The following ATF1 variants were observed in gnomAD, a reference collection of about 807,000 sequenced individuals.
The protein encoded by ATF1 is cyclic AMP-dependent transcription factor ATF-1.
A neutral mutation model predicts 34.7 loss-of-function variants in ATF1; 16 were observed. The observed-to-expected ratio is 0.46, with a 90% CI of 0.31 to 0.70. The LOEUF is 0.70. Among genes scored for constraint, ATF1 ranks in the 30% least tolerant of loss-of-function variants. The pLI, the probability that ATF1 is intolerant of heterozygous loss-of-function variation, is 0.05. For missense variants in ATF1, 255 were observed against 321.6 expected, an observed-to-expected ratio of 0.79 and a Z score of 1.58; for synonymous variants, 105 against 113.1, an observed-to-expected ratio of 0.93 and a Z score of 0.46.
chr12:50,787,528 T>C (rs1323859400), intron 2 of ATF1, among the ~76,000 whole-genome samples: 1 of 151,342 alleles, frequency 6.6e-6, no homozygotes, highest in African/African-American at 2.4e-5. Context: ...AGCTCAAGAG[T>C]TCAAGACCAG....
intron 2 of ATF1, among the ~76,000 whole-genome samples, chr12:50,784,277 T>G (rs1941136182): frequency 6.6e-6 from 1 of 152,226 alleles, no homozygotes; most frequent in Non-Finnish European, 1.5e-5. Flanking sequence ...TATTCTAATT[T>G]TGGAGAGACA....
intron 4 of ATF1, among the ~76,000 whole-genome samples, chr12:50,813,413 A>T (rs925158542): frequency 4.6e-5 from 7 of 152,224 alleles, no homozygotes; most frequent in Non-Finnish European, 8.8e-5. Flanking sequence ...TTTTTTCCAT[A>T]AGCATGTTAT....
chr12:50,774,400 A>G (rs1940858759), intron 1 of ATF1, among the ~76,000 whole-genome samples: 2 of 152,138 alleles, frequency 1.3e-5, no homozygotes, highest in South Asian at 4.1e-4. Flanking sequence ...ATCTCAGCCC[A>G]CCATTTCTCA....
chr12:50,810,847 A>G (rs560031533), intron 4 of ATF1, among the ~76,000 whole-genome samples: 7 of 152,264 alleles, frequency 4.6e-5, no homozygotes, highest in Non-Finnish European at 7.4e-5. Flanking sequence ...TCTTGCTTCC[A>G]TTCTTGCTCT....
At chr12:50,789,498 T>A (rs1264448503) in intron 2 of ATF1, among the ~76,000 whole-genome samples, 1 of 151,860 alleles carries the variant, frequency 6.6e-6, no homozygotes, top group Non-Finnish European at 1.5e-5. Context: ...GTGCAGTGGC[T>A]CACACCTGTA....
At chr12:50,802,871 CA>C (rs71443203) in intron 3 of ATF1, among the ~76,000 whole-genome samples, 661 of 46,846 alleles carry the variant, frequency 0.014, 1 homozygote, top group African/African-American at 0.064. Flanking sequence ...GACTCCATCT[CA>C]AAAAAAAAAA....
At chr12:50,767,806 A>G (rs1940675345) in intron 1 of ATF1, among the ~76,000 whole-genome samples, 1 of 152,098 alleles carries the variant, frequency 6.6e-6, no homozygotes, top group Non-Finnish European at 1.5e-5. Context: ...TAACTACTCT[A>G]GACTCCTTCT....
intron 3 of ATF1, 130 bp downstream of exon 3, chr12:50,796,139 T>A (rs1941404438): frequency 1.3e-6 from 1 of 755,940 alleles, no homozygotes; most frequent in African/African-American, 1.8e-5. Context: ...GGCCCTCGCC[T>A]ATAATCCCAA....
intron 1 of ATF1, among the ~76,000 whole-genome samples, chr12:50,766,705 G>C (rs560280329): frequency 4.1e-5 from 6 of 146,934 alleles, no homozygotes. Context: ...TGCTGGAAAA[G>C]GTCCCTTTGC....
chr12:50,795,959 A>G lies in ATF1; in HGVS notation c.144A>G (p.Ile48Met). ...SEESQDSSDS[I>M]GSSQKAHGIL... is the part of the protein sequence containing the mutation. Reference sequence around the variant, plus strand: ...AGTCCCAGGACTCATCCGACAGCATAGGCTCCTCACAGAAAGCCCACGGGA... The same window carrying G: ...AGTCCCAGGACTCATCCGACAGCATGGGCTCCTCACAGAAAGCCCACGGGA... Residue 48 changes from isoleucine to methionine, a missense_variant, in exon 3 of 7, where the codon ATA becomes ATG. Transcript: ENST00000262053. 1 of 1,613,070 alleles carries G rather than the reference A, an allele frequency of 6.2e-7. No individual in the cohort carries two copies. The highest frequency in any genetic ancestry group is 8.5e-7 in the Non-Finnish European group (1 of 1,179,764).
intron 1 of ATF1, among the ~76,000 whole-genome samples, chr12:50,772,219 A>G (rs2139638010): frequency 6.6e-6 from 1 of 152,188 alleles, no homozygotes; most frequent in East Asian, 1.9e-4. Context: ...CTATCGCTTA[A>G]GGGTACAAAG....
At position 50,783,514 on chromosome 12, in the gene ATF1, C is replaced by T. The variant is rs185263544; in HGVS notation, c.93+3276C>T. Among the ~76,000 whole-genome samples the T allele has an allele frequency of 2.5e-4, 38 of 152,250 alleles. No individual in the cohort carries two copies. In the East Asian group the frequency reaches 3.9e-3, roughly 15 times the overall value. ...TCAAATTTCCTCAGAAGCATATTTA[C>T]GGTGAAGTGGAATAAATACATTTCT... is the stretch of plus-strand genomic sequence containing the variant. On this transcript the variant is annotated intron_variant, in intron 2 of 6. Coordinates refer to ENST00000262053, the MANE Select transcript of ATF1 (RefSeq NM_005171.5).
chr12:50,775,168 C>T (rs1018237891), intron 1 of ATF1, among the ~76,000 whole-genome samples: 3 of 151,600 alleles, frequency 2.0e-5, no homozygotes, highest in East Asian at 1.9e-4. Context: ...TCTCGAACTC[C>T]TGGGGGACTC....
chr12:50,817,146 G>A lies in ATF1; in HGVS notation c.672-2489G>A, dbSNP rs151125894. On this transcript the variant is annotated intron_variant, in intron 6 of 6. Coordinates refer to ENST00000262053, the MANE Select transcript of ATF1 (RefSeq NM_005171.5). ...CGTGGGTATACTCTGTGACCCAGCT[G>A]TTTTAGTCTGTGTGACTGAGAGGAA... Among the ~76,000 whole-genome samples, 6 of 152,224 alleles carry A rather than the reference G, an allele frequency of 3.9e-5. No individual in the cohort carries two copies. The East Asian group carries it at 9.6e-4, about 24-fold the overall frequency.
At chr12:50,792,184 A>AT (rs1051416256) in intron 2 of ATF1, among the ~76,000 whole-genome samples, 1 of 152,038 alleles carries the variant, frequency 6.6e-6, no homozygotes, top group Admixed American at 6.6e-5. Flanking sequence ...GTACTTTGTA[A>AT]TTTTCCTCTA....
intron 2 of ATF1, among the ~76,000 whole-genome samples, chr12:50,792,699 A>T (rs780633918): frequency 6.6e-6 from 1 of 152,200 alleles, no homozygotes; most frequent in Non-Finnish European, 1.5e-5. Flanking sequence ...TTTCATGTAT[A>T]TAATACCTAG....
At chr12:50,765,667 G>C (rs1377537807) in intron 1 of ATF1, among the ~76,000 whole-genome samples, 1 of 152,144 alleles carries the variant, frequency 6.6e-6, no homozygotes, top group Non-Finnish European at 1.5e-5. Flanking sequence ...CACAGGATGA[G>C]ACAAGTCAGC....
chr12:50,780,701 G>A (rs980512538), intron 2 of ATF1, among the ~76,000 whole-genome samples: 3 of 151,264 alleles, frequency 2.0e-5, no homozygotes, highest in Non-Finnish European at 2.9e-5. Context: ...AGTGGCTCAC[G>A]CCTGTAATCC....
At chr12:50,791,331 G>A (rs539808525) in intron 2 of ATF1, among the ~76,000 whole-genome samples, 4 of 152,234 alleles carry the variant, frequency 2.6e-5, no homozygotes, top group South Asian at 2.1e-4. Context: ...GGAGGTGGGC[G>A]GATCACCTGA....
Sources: gnomAD v4.1 joint callset for allele counts (sites outside exome capture counted in the v4.1 genomes callset) on GRCh38, gnomAD v4.1.1 for gene constraint, MANE v1.5 for transcripts, NCBI Gene and HGNC (gene_info 2026-07-23, HGNC 2026-07-21) for gene names.